The following NUDCD1 variants were observed in gnomAD, a reference collection of about 807,000 sequenced individuals.
The protein encoded by NUDCD1 is nudC domain-containing protein 1.
Under a neutral mutation model 67.8 loss-of-function variants are expected in NUDCD1, and 60 were observed. The observed-to-expected ratio is 0.88, with a 90% CI of 0.72 to 1.10. The LOEUF is 1.10. NUDCD1 is among the 50% of genes least tolerant of loss of function. NUDCD1 has a pLI of 0.00. For synonymous variants in NUDCD1, 244 were observed against 230.8 expected (o/e 1.06, Z -0.52); for missense variants, 643 against 695.0 (o/e 0.93, Z 0.84).
At chr8:109,275,683 A>T (rs982993370) in intron 6 of NUDCD1, among the ~76,000 whole-genome samples, 187 bp from the exon 7 acceptor site, 1 of 152,216 alleles carries the variant, frequency 6.6e-6, no homozygotes, top group African/African-American at 2.4e-5. Flanking sequence ...AATGGCAAAT[A>T]GTCCAGATTT....
intron 2 of NUDCD1, among the ~76,000 whole-genome samples, chr8:109,303,226 G>A (rs2130068434): frequency 6.6e-6 from 1 of 152,288 alleles, no homozygotes; most frequent in South Asian, 2.1e-4. Flanking sequence ...CTGGAACTCT[G>A]GCCCAAGGCT....
chr8:109,279,563 T>C (rs1814380443), intron 6 of NUDCD1, among the ~76,000 whole-genome samples: 1 of 152,210 alleles, frequency 6.6e-6, no homozygotes, highest in Non-Finnish European at 1.5e-5. Flanking sequence ...CTCTTAATGG[T>C]ATCTTTAGAA....
At chr8:109,318,862 A>G (rs1437404565) in intron 2 of NUDCD1, among the ~76,000 whole-genome samples, 1 of 152,080 alleles carries the variant, frequency 6.6e-6, no homozygotes, top group Non-Finnish European at 1.5e-5. Flanking sequence ...CATTCAACAA[A>G]TATACTGATC....
At chr8:109,302,125 A>C (rs1201407809) in intron 2 of NUDCD1, among the ~76,000 whole-genome samples, 1 of 152,172 alleles carries the variant, frequency 6.6e-6, no homozygotes, top group Admixed American at 6.5e-5. Flanking sequence ...TTAAAAACTT[A>C]AAATCTCTTC....
intron 2 of NUDCD1, among the ~76,000 whole-genome samples, chr8:109,301,715 C>T (rs1264291214): frequency 1.3e-5 from 2 of 152,254 alleles, no homozygotes; most frequent in African/African-American, 4.8e-5. Context: ...ACCCTTCAAT[C>T]TCCCTGTCCT....
chr8:109,319,298 T>G lies in NUDCD1; in HGVS notation c.273+3011A>C, dbSNP rs1210102380. Among the ~76,000 whole-genome samples, 6 of 152,132 alleles carry G rather than the reference T, an allele frequency of 3.9e-5. No homozygotes were observed. The East Asian group carries it at 9.6e-4, about 24-fold the overall frequency. On this transcript the variant is annotated intron_variant, in intron 2 of 9. Coordinates refer to ENST00000239690, the MANE Select transcript of NUDCD1 (RefSeq NM_032869.4). ...CATTTTATGTTTTTGTAAATAAAGG[T>G]TAATTGGAACACGGCCACACTCACT... is the stretch of plus-strand genomic sequence containing the variant.
intron 2 of NUDCD1, among the ~76,000 whole-genome samples, chr8:109,308,767 C>A (rs950698071): frequency 6.6e-6 from 1 of 151,888 alleles, no homozygotes; most frequent in African/African-American, 2.4e-5. Flanking sequence ...GTCAGGAGAT[C>A]GAGACCATCC....
chr8:109,260,630 T>C (rs1245996078), intron 8 of NUDCD1, among the ~76,000 whole-genome samples: 1 of 152,252 alleles, frequency 6.6e-6, no homozygotes, highest in East Asian at 1.9e-4. Context: ...ATATCTCAGA[T>C]ATCAATTCAT....
At chr8:109,323,288 C>T (rs937836903) in intron 1 of NUDCD1, among the ~76,000 whole-genome samples, 2 of 152,166 alleles carry the variant, frequency 1.3e-5, no homozygotes, top group Admixed American at 1.3e-4. Context: ...CTTCCTCCCC[C>T]AAATGCTCAC....
Position 109,289,945 on chromosome 8 carries a change from G to C in NUDCD1, c.641-12C>G, listed in dbSNP as rs760326320. On this transcript the variant is annotated splice_polypyrimidine_tract_variant and intron_variant, in intron 4 of 9. Coordinates refer to ENST00000239690, the MANE Select transcript of NUDCD1 (RefSeq NM_032869.4). ...ATATTTTTTATTATCTGTAAGAAAA[G>C]TATTTCAGAACAAAACATTACAAAT... The C allele has an allele frequency of 7.7e-7, 1 of 1,292,932 alleles. No individual in the cohort carries two copies. The highest frequency in any genetic ancestry group is 1.1e-6 in the Non-Finnish European group (1 of 945,548). 80.1% of individuals were successfully genotyped at this position (1,292,932 alleles called of 1,614,324 possible). A position where few individuals can be genotyped will look rare whatever the true frequency, so the allele number is the denominator to read the frequency against.
chr8:109,245,571 G>A, intron 8 of NUDCD1, 90 bp from the exon 9 acceptor site: 2 of 935,156 alleles, frequency 2.1e-6, no homozygotes, highest in Non-Finnish European at 3.2e-6. Flanking sequence ...AGCATTAAGT[G>A]TCAGCAACTG....
At chr8:109,295,932 T>G (rs1205288122) in intron 3 of NUDCD1, among the ~76,000 whole-genome samples, 1 of 152,186 alleles carries the variant, frequency 6.6e-6, no homozygotes, top group Non-Finnish European at 1.5e-5. Context: ...GAAATTGGCA[T>G]ATAACTATAT....
intron 2 of NUDCD1, among the ~76,000 whole-genome samples, chr8:109,311,559 G>GTGCATATATATA: frequency 8.0e-6 from 1 of 125,120 alleles, no homozygotes; most frequent in Admixed American, 7.5e-5. Context: ...AAACTGTGGT[G>GTGCATATATATA]TATATATATA....
chr8:109,267,217 G>A (rs1444659930), intron 8 of NUDCD1, among the ~76,000 whole-genome samples: 2 of 152,120 alleles, frequency 1.3e-5, no homozygotes, highest in Middle Eastern at 3.4e-3. Flanking sequence ...AGATTATTTC[G>A]CCAACCAGGT....
chr8:109,328,260 A>G (rs541658239), intron 1 of NUDCD1, among the ~76,000 whole-genome samples: 18 of 152,286 alleles, frequency 1.2e-4, no homozygotes, highest in African/African-American at 4.1e-4. Flanking sequence ...CAACGGTTAC[A>G]TGGCTTTTCC....
intron 2 of NUDCD1, among the ~76,000 whole-genome samples, chr8:109,304,519 A>G (rs1183374157): frequency 1.3e-5 from 2 of 152,112 alleles, no homozygotes; most frequent in Non-Finnish European, 2.9e-5. Flanking sequence ...AGCTGAACTC[A>G]TTGCCTTAAC....
At chr8:109,332,097 T>C (rs928830651) in intron 1 of NUDCD1, among the ~76,000 whole-genome samples, 7 of 152,174 alleles carry the variant, frequency 4.6e-5, no homozygotes, top group Admixed American at 1.3e-4. Flanking sequence ...GCACTAGATA[T>C]AGGGTAGTGA....
intron 5 of NUDCD1, among the ~76,000 whole-genome samples, chr8:109,285,644 G>T (rs1814557732): frequency 6.6e-6 from 1 of 151,990 alleles, no homozygotes; most frequent in Non-Finnish European, 1.5e-5. Flanking sequence ...AAGAAACTAG[G>T]CATCAAAGGA....
At chr8:109,263,453 C>T (rs532210532) in intron 8 of NUDCD1, among the ~76,000 whole-genome samples, 1 of 152,146 alleles carries the variant, frequency 6.6e-6, no homozygotes, top group Non-Finnish European at 1.5e-5. Flanking sequence ...GAGAAATTGG[C>T]ACAAATATGC....
Sources: gnomAD v4.1 joint callset for allele counts (sites outside exome capture counted in the v4.1 genomes callset) on GRCh38, gnomAD v4.1.1 for gene constraint, MANE v1.5 for transcripts, NCBI Gene and HGNC (gene_info 2026-07-23, HGNC 2026-07-21) for gene names.